GALC: variants seen among roughly 807,000 people sequenced by gnomAD.
GALC encodes galactosylceramidase.
A neutral mutation model predicts 91.8 loss-of-function variants in GALC; 77 were observed. The observed-to-expected ratio is 0.84, with a 90% CI of 0.70 to 1.01. The LOEUF is 1.01. Among genes scored for constraint, GALC ranks in the 50% least tolerant of loss-of-function variants. The pLI, the probability that GALC is intolerant of heterozygous loss-of-function variation, is 0.00. For synonymous variants in GALC, 357 were observed against 306.7 expected (o/e 1.16, Z -1.71); for missense variants, 882 against 855.9 (o/e 1.03, Z -0.38).
chr14:87,965,581 A>G lies in GALC; in HGVS notation c.957T>C (p.Tyr319=), dbSNP rs1158171614. The G allele has an allele frequency of 8.1e-6, 13 of 1,613,462 alleles. No individual in the cohort carries two copies. Among genetic ancestry groups the G allele is most frequent in the Non-Finnish European group, 1.1e-5 (13 of 1,179,662 alleles). ...LVASYYEQLP[Y]GRCGLMTAQE... Reference sequence around the variant, plus strand: ...GGGCCGTCATCAACCCGCATCTCCCATAAGGCAACTGTTCATAGTAACTAG... The same window carrying G: ...GGGCCGTCATCAACCCGCATCTCCCGTAAGGCAACTGTTCATAGTAACTAG... The change falls in exon 9 of 17, where the codon TAT becomes TAC. Residue 319 remains tyrosine, a synonymous_variant. Transcript: ENST00000261304.
At chr14:87,942,209 G>C (rs777597013) in intron 14 of GALC, among the ~76,000 whole-genome samples, 2 of 151,878 alleles carry the variant, frequency 1.3e-5, no homozygotes, top group Non-Finnish European at 2.9e-5. Flanking sequence ...GTACATCTGG[G>C]GCAGCCCCTT....
chr14:87,955,319 A>C, intron 10 of GALC: 1 of 600,822 alleles, frequency 1.7e-6, no homozygotes, highest in Non-Finnish European at 3.0e-6. Flanking sequence ...ACATTTTACA[A>C]AGAGAATTTC....
At chr14:87,967,303 T>C (rs1456876758) in intron 8 of GALC, among the ~76,000 whole-genome samples, 1 of 152,198 alleles carries the variant, frequency 6.6e-6, no homozygotes, top group Non-Finnish European at 1.5e-5. Flanking sequence ...TGGTTAGCTC[T>C]GGATCATAAG....
chr14:87,935,536 C>G (rs1389184697), intron 16 of GALC, among the ~76,000 whole-genome samples: 2 of 152,034 alleles, frequency 1.3e-5, no homozygotes, highest in African/African-American at 4.8e-5. Flanking sequence ...TTACTGGTCA[C>G]TGACAGTGAA....
chr14:87,973,812 A>G (rs1438674589), intron 7 of GALC, among the ~76,000 whole-genome samples: 1 of 152,182 alleles, frequency 6.6e-6, no homozygotes, highest in Non-Finnish European at 1.5e-5. Context: ...CGTGGCCTCC[A>G]TCCATCGGAT....
At chr14:87,945,288 T>A (rs752657112) in intron 14 of GALC, among the ~76,000 whole-genome samples, 24 of 152,012 alleles carry the variant, frequency 1.6e-4, no homozygotes, top group Non-Finnish European at 2.9e-4. Flanking sequence ...GGTCCAAAAG[T>A]CCTTAGTTTT....
intron 3 of GALC, among the ~76,000 whole-genome samples, chr14:87,987,322 T>C (rs1393061703): frequency 6.6e-6 from 1 of 152,244 alleles, no homozygotes; most frequent in Non-Finnish European, 1.5e-5. Flanking sequence ...TTTATGTACC[T>C]CTACCTCTAA....
At chr14:87,987,725 G>T (rs1887032179) in intron 3 of GALC, 1 of 163,064 alleles carries the variant, frequency 6.1e-6, no homozygotes, top group Admixed American at 6.0e-5. Flanking sequence ...AGTGATTAAA[G>T]ATAAGTTTTG....
chr14:87,946,130 C>T (rs1478762522), intron 13 of GALC, among the ~76,000 whole-genome samples: 2 of 151,988 alleles, frequency 1.3e-5, no homozygotes, highest in East Asian at 1.9e-4. Flanking sequence ...ATAACAGGTA[C>T]ATAAGCCAGC....
At chr14:87,955,258 C>T in intron 10 of GALC, 1 of 829,540 alleles carries the variant, frequency 1.2e-6, no homozygotes, top group South Asian at 1.4e-5. Context: ...AATGATTTGT[C>T]TTTTGAAGTA....
At position 87,933,607 on chromosome 14, in the gene GALC, A is replaced by T. The variant is rs1384927658; in HGVS notation, c.*1125T>A. 1 of 180,200 alleles carries T rather than the reference A, an allele frequency of 5.5e-6. No individual in the cohort carries two copies. Among genetic ancestry groups the T allele is most frequent in the Admixed American group, 6.1e-5 (1 of 16,384 alleles). 11.2% of individuals were successfully genotyped at this position (180,200 alleles called of 1,614,324 possible). A position where few individuals can be genotyped will look rare whatever the true frequency, so the allele number is the denominator to read the frequency against. ...AGCTAAGCCTATGTTAGACTCTTAC[A>T]AATTCCTAAATAGTAGAATTAGTTC... On this transcript the variant is annotated 3_prime_UTR_variant, in exon 17 of 17. Coordinates refer to ENST00000261304, the MANE Select transcript of GALC (RefSeq NM_000153.4).
At chr14:87,962,613 ACACACACACAC>A (rs1300224108) in intron 10 of GALC, among the ~76,000 whole-genome samples, 19 of 95,390 alleles carry the variant, frequency 2.0e-4, no homozygotes, top group Admixed American at 1.3e-3. Context: ...ACACACACAC[ACACACACACAC>A]CATTTTTTTA....
At chr14:87,992,372 A>C (rs1166537883) in intron 1 of GALC, 1 of 1,535,714 alleles carries the variant, frequency 6.5e-7, no homozygotes. Flanking sequence ...CCGCTCGCTT[A>C]TCTTCCTTTT....
At position 87,965,525 on chromosome 14, in the gene GALC, TC is replaced by T. The variant is rs1057516469; in HGVS notation, c.1012del (p.Glu338AsnfsTer21). The T allele has an allele frequency of 2.5e-6, 4 of 1,613,578 alleles. No individual in the cohort carries two copies. The highest frequency in any genetic ancestry group is 3.4e-6 in the Non-Finnish European group (4 of 1,179,622). On this transcript the variant is annotated frameshift_variant, in exon 9 of 17. Coordinates refer to ENST00000261304, the MANE Select transcript of GALC (RefSeq NM_000153.4). LOFTEE classifies it high-confidence loss of function. ...QEPWSGHYVV[E>X]SPVWVSAHTT... The stretch of plus-strand genomic sequence containing the variant: ...CATACCTGATACCCAGACAGGAGAT[TC>T]TACCACGTAGTGCCCACTCCATGGC...
chr14:87,984,048 C>T (rs186702480), intron 5 of GALC, among the ~76,000 whole-genome samples: 3 of 151,256 alleles, frequency 2.0e-5, no homozygotes. Context: ...GACTAACCCC[C>T]CATAAGCTGT....
chr14:87,942,235 A>G (rs1387917641), intron 14 of GALC, among the ~76,000 whole-genome samples: 1 of 151,970 alleles, frequency 6.6e-6, no homozygotes, highest in Non-Finnish European at 1.5e-5. Flanking sequence ...TGCATGTCTA[A>G]CAAGTTCCCA....
chr14:87,972,572 A>G (rs1886339644), intron 7 of GALC, among the ~76,000 whole-genome samples: 1 of 152,200 alleles, frequency 6.6e-6, no homozygotes. Flanking sequence ...TACTTCAATT[A>G]AAAATTTTAA....
chr14:87,992,171 C>T, intron 1 of GALC: 3 of 933,018 alleles, frequency 3.2e-6, no homozygotes, highest in South Asian at 1.5e-5. Context: ...CAAGCTTGTT[C>T]TGAGTTGAAT....
chr14:87,954,454 T>C lies in GALC; in HGVS notation c.1162-3706A>G, dbSNP rs1234150480. The C allele has an allele frequency of 3.1e-6, 5 of 1,588,456 alleles. No individual in the cohort carries two copies. In the South Asian group the frequency reaches 3.3e-5, roughly 11 times the overall value. The stretch of plus-strand genomic sequence containing the variant: ...CTCAACTGCAAAGGAAAAAAGGTTA[T>C]ATTTGGGAATTTAAATATCTTTTTG... On this transcript the variant is annotated intron_variant, in intron 10 of 16. Coordinates refer to ENST00000261304, the MANE Select transcript of GALC (RefSeq NM_000153.4).
Sources: gnomAD v4.1 joint callset for allele counts (sites outside exome capture counted in the v4.1 genomes callset) on GRCh38, gnomAD v4.1.1 for gene constraint, MANE v1.5 for transcripts, NCBI Gene and HGNC (gene_info 2026-07-23, HGNC 2026-07-21) for gene names.